JAK2: variants seen among roughly 807,000 people sequenced by gnomAD.
JAK2 encodes tyrosine-protein kinase JAK2.
In JAK2, 86 loss-of-function variants were observed where a neutral mutation model predicts 139.3. That is an observed-to-expected ratio of 0.62 (90% confidence interval 0.52 to 0.74). The LOEUF is 0.74. JAK2 is among the 30% of genes least tolerant of loss of function. JAK2 has a pLI of 0.00. For missense variants in JAK2, 1,421 were observed against 1,360.3 expected, an observed-to-expected ratio of 1.04 and a Z score of -0.70; for synonymous variants, 490 against 437.7, an observed-to-expected ratio of 1.12 and a Z score of -1.49.
At chr9:5,085,058 G>C (rs1031668884) in intron 19 of JAK2, 4 of 715,734 alleles carry the variant, frequency 5.6e-6, no homozygotes, top group Non-Finnish European at 1.0e-5. Flanking sequence ...CTGGGGATGA[G>C]AAGTTTACTG....
intron 22 of JAK2, chr9:5,114,016 G>A: frequency 3.3e-6 from 1 of 305,124 alleles, no homozygotes; most frequent in Admixed American, 4.1e-5. Flanking sequence ...GATGTGAACT[G>A]GTCCATCGCC....
At chr9:5,047,664 T>G (rs1447347668) in intron 5 of JAK2, among the ~76,000 whole-genome samples, 1 of 152,220 alleles carries the variant, frequency 6.6e-6, no homozygotes, top group African/African-American at 2.4e-5. Flanking sequence ...TTTTATTTTT[T>G]TATAGAGATT....
At chr9:5,107,366 G>A (rs760286746) in intron 22 of JAK2, among the ~76,000 whole-genome samples, 3 of 151,874 alleles carry the variant, frequency 2.0e-5, no homozygotes, top group Non-Finnish European at 4.4e-5. Flanking sequence ...ACCTCCAACT[G>A]CCTCCCCTTT....
Position 5,080,305 on chromosome 9 carries a change from A to G in JAK2, c.2208A>G (p.Lys736=), listed in dbSNP as rs2130605225. 2 of 1,613,844 alleles carry G rather than the reference A, an allele frequency of 1.2e-6. No individual in the cohort carries two copies. The highest frequency in any genetic ancestry group is 8.5e-7 in the Non-Finnish European group (1 of 1,179,758). Reference sequence around the variant, plus strand: ...AAAATTTAAATTTGGCAACAGACAAATGGAGTTTTGGTACCACTTTGTGGG... The same window carrying G: ...AAAATTTAAATTTGGCAACAGACAAGTGGAGTTTTGGTACCACTTTGTGGG... ...NPKNLNLATD[K]WSFGTTLWEI... The change falls in exon 17 of 25, where the codon AAA becomes AAG. Residue 736 remains lysine (K), a synonymous_variant. Transcript: ENST00000381652.
chr9:5,062,096 C>T (rs1818217262), intron 8 of JAK2, among the ~76,000 whole-genome samples: 1 of 152,074 alleles, frequency 6.6e-6, no homozygotes, highest in Non-Finnish European at 1.5e-5. Flanking sequence ...CCTTGGACAT[C>T]ACAGGTTTGA....
chr9:5,066,246 C>T (rs918778196), intron 9 of JAK2, among the ~76,000 whole-genome samples: 24 of 151,990 alleles, frequency 1.6e-4, no homozygotes, highest in Non-Finnish European at 3.4e-4. Flanking sequence ...ACTTTGTTAT[C>T]GTACTGAATA....
At chr9:5,052,090 T>A (rs1251353445) in intron 6 of JAK2, among the ~76,000 whole-genome samples, 2 of 152,068 alleles carry the variant, frequency 1.3e-5, no homozygotes, top group South Asian at 4.2e-4. Flanking sequence ...ACTGAAGGAA[T>A]TCAGGGGAAC....
chr9:5,057,580 CTTTTT>C (rs541931562), intron 8 of JAK2, among the ~76,000 whole-genome samples: 33 of 116,762 alleles, frequency 2.8e-4, no homozygotes, highest in African/African-American at 9.3e-4. Context: ...ATTCTACTTT[CTTTTT>C]TTTTTTTTTT....
chr9:5,013,437 T>C (rs993073682), intron 2 of JAK2, among the ~76,000 whole-genome samples: 4 of 152,224 alleles, frequency 2.6e-5, no homozygotes, highest in African/African-American at 9.6e-5. Flanking sequence ...AAGGTAAACA[T>C]TTAAATGTAT....
At chr9:5,072,461 C>T (rs947028371) in intron 12 of JAK2, 31 bp from the exon 13 acceptor site, 1 of 1,484,030 alleles carries the variant, frequency 6.7e-7, no homozygotes, top group Non-Finnish European at 9.0e-7. Flanking sequence ...CATCTTTACT[C>T]ATTCTTTTCT....
At chr9:5,093,609 ATT>A (rs1394506274) in intron 22 of JAK2, among the ~76,000 whole-genome samples, 1 of 152,190 alleles carries the variant, frequency 6.6e-6, no homozygotes, top group Non-Finnish European at 1.5e-5. Flanking sequence ...TGCATTAAAA[ATT>A]TTGGTTGGGG....
intron 22 of JAK2, among the ~76,000 whole-genome samples, chr9:5,119,063 A>G (rs1367896343): frequency 6.6e-6 from 1 of 152,154 alleles, no homozygotes; most frequent in Non-Finnish European, 1.5e-5. Context: ...TATTATTAAC[A>G]TATTTTATCA....
intron 6 of JAK2, 28 bp downstream of exon 6, chr9:5,050,859 A>G (rs369119377): frequency 1.5e-4 from 239 of 1,579,898 alleles, no homozygotes; most frequent in Middle Eastern, 1.0e-3. Flanking sequence ...ATCCTTACAC[A>G]TAAGTGTGAG....
chr9:5,049,499 A>C (rs557864868), intron 5 of JAK2, among the ~76,000 whole-genome samples: 3 of 152,290 alleles, frequency 2.0e-5, no homozygotes, highest in South Asian at 2.1e-4. Flanking sequence ...TGAAGTTTCA[A>C]ATCTTCCATG....
intron 22 of JAK2, chr9:5,111,236 C>T (rs942141868): frequency 1.8e-5 from 10 of 562,552 alleles, no homozygotes; most frequent in African/African-American, 1.5e-4. Flanking sequence ...GGGCCTATTC[C>T]TCCTTTGGTA....
At chr9:5,062,542 G>T (rs1202070296) in intron 8 of JAK2, among the ~76,000 whole-genome samples, 1 of 118,564 alleles carries the variant, frequency 8.4e-6, no homozygotes, top group African/African-American at 4.9e-5. Flanking sequence ...GGTCATATCT[G>T]CAAGGAGCAA....
chr9:5,088,154 A>G (rs556582370), intron 19 of JAK2, among the ~76,000 whole-genome samples: 1 of 152,210 alleles, frequency 6.6e-6, no homozygotes, highest in Non-Finnish European at 1.5e-5. Flanking sequence ...GGAGTTCTGA[A>G]TTGTCCGCGG....
intron 22 of JAK2, chr9:5,098,759 T>C (rs1308273470): frequency 1.3e-5 from 2 of 151,780 alleles, no homozygotes; most frequent in Admixed American, 6.6e-5. Flanking sequence ...AGTGGTGTGA[T>C]CTCAGCTCAC....
At chr9:5,087,980 A>G (rs76930804) in intron 19 of JAK2, among the ~76,000 whole-genome samples, 3,498 of 152,356 alleles carry the variant, frequency 0.023, 154 homozygotes, top group African/African-American at 0.081. Flanking sequence ...TAGTGGCACT[A>G]GAAAATAAAT....
Sources: gnomAD v4.1 joint callset for allele counts (sites outside exome capture counted in the v4.1 genomes callset) on GRCh38, gnomAD v4.1.1 for gene constraint, MANE v1.5 for transcripts, NCBI Gene and HGNC (gene_info 2026-07-23, HGNC 2026-07-21) for gene names.